RB1: variants seen among roughly 807,000 people sequenced by gnomAD.
RB1 encodes the protein RB transcriptional corepressor 1.
Under a neutral mutation model 135.4 loss-of-function variants are expected in RB1, and 18 were observed. The observed-to-expected ratio is 0.13, with a 90% confidence interval of 0.09 to 0.20. The LOEUF (loss-of-function observed/expected upper bound fraction) is 0.20. Among genes scored for constraint, RB1 ranks in the 10% least tolerant of loss-of-function variants. The probability of loss-of-function intolerance (pLI) is 1.00; values close to 1 mark genes in which losing one functional copy is unlikely to be tolerated. For synonymous variants in RB1, 365 were observed against 373.2 expected (o/e 0.98, Z 0.25); for missense variants, 868 against 1,110.0 (o/e 0.78, Z 3.10).
At chr13:48,317,326 T>C (rs774862925) in intron 2 of RB1, 2 of 392,774 alleles carry the variant, frequency 5.1e-6, no homozygotes, top group African/African-American at 2.0e-5. Context: ...GGACCCCTTG[T>C]CTTTCCCGCT....
intron 11 of RB1, among the ~76,000 whole-genome samples, chr13:48,372,704 G>T (rs993105876): frequency 1.3e-5 from 2 of 151,890 alleles, no homozygotes; most frequent in Non-Finnish European, 2.9e-5. Context: ...TACTGGTTTA[G>T]ACATGCTTAG....
Position 48,463,851 on chromosome 13 carries a change from T to C in RB1, c.2211+16T>C, listed in dbSNP as rs530415853. 2.7e-6 allele frequency: 4 copies of C among 1,505,656 alleles called. No individual in the cohort carries two copies. The highest frequency in any genetic ancestry group is 3.7e-6 in the Non-Finnish European group (4 of 1,081,764). 93.3% of individuals were successfully genotyped at this position (1,505,656 alleles called of 1,614,324 possible). On this transcript the variant is annotated intron_variant, in intron 21 of 26. Transcript: ENST00000267163. ...TGTTCAGGAGGTAGGTAATTTTCCA[T>C]AGTAAGTTTTTTTGATAAATCCATA...
intron 17 of RB1, among the ~76,000 whole-genome samples, chr13:48,416,104 G>A (rs1336424728): frequency 6.6e-6 from 1 of 151,948 alleles, no homozygotes; most frequent in Non-Finnish European, 1.5e-5. Flanking sequence ...GGATTTTTTG[G>A]GGGGAGCGAA....
rs181655355 is a variant in RB1, at chr13:48,371,884, A to G, written c.1128-1521A>G. ...AGTGGTAGACAGGCAAGTGAGCATT[A>G]CTGCCTGAGATCTACCTCCTGTCAG... On this transcript the variant is annotated intron_variant, in intron 11 of 26. Coordinates refer to ENST00000267163, the MANE Select transcript of RB1 (RefSeq NM_000321.3). Among the ~76,000 whole-genome samples the G allele has an allele frequency of 1.6e-3, 236 of 152,226 alleles. 2 individuals carry two copies. Among genetic ancestry groups the G allele is most frequent in the East Asian group, 5.8e-4 (3 of 5,180 alleles).
chr13:48,395,938 A>G (rs1287419477), intron 17 of RB1, among the ~76,000 whole-genome samples: 2 of 152,186 alleles, frequency 1.3e-5, no homozygotes, highest in African/African-American at 4.8e-5. Context: ...CGTCAGATTC[A>G]CCAAGGTTGA....
At position 48,456,255 on chromosome 13, in the gene RB1, A is replaced by T. The variant is rs1279340994; in HGVS notation, c.1866A>T (p.Val622=). ...SPKKKGSTTR[V]NSTANAETQA... ...AGAAAAAAGGTTCAACTACGCGTGTAAATTCTACTGCAAATGCAGAGACAC... is the reference window on the plus strand; with the variant it reads ...AGAAAAAAGGTTCAACTACGCGTGTTAATTCTACTGCAAATGCAGAGACAC... The change falls in exon 19 of 27, where the codon GTA becomes GTT. Residue 622 remains valine, a synonymous_variant. Coordinates refer to ENST00000267163, the MANE Select transcript of RB1 (RefSeq NM_000321.3). 1 of 1,614,204 alleles carries T rather than the reference A, an allele frequency of 6.2e-7. No individual in the cohort carries two copies. Among genetic ancestry groups the T allele is most frequent in the Admixed American group, 1.7e-5 (1 of 60,028 alleles).
chr13:48,316,105 C>A lies in RB1; in HGVS notation c.264+8699C>A, dbSNP rs1248358230. 2.0e-5 allele frequency among the ~76,000 whole-genome samples: 3 copies of A among 152,102 alleles called. No homozygotes were observed. The East Asian group carries it at 5.8e-4, about 29-fold the overall frequency. The stretch of plus-strand genomic sequence containing the variant: ...AGATTGGACATGAATCCACCCAGGC[C>A]CAGGGCTGAGCTGCAGAGCAGCCGC... On this transcript the variant is annotated intron_variant, in intron 2 of 26. Coordinates refer to ENST00000267163, the MANE Select transcript of RB1 (RefSeq NM_000321.3).
chr13:48,458,537 C>T (rs1397761752), intron 19 of RB1, among the ~76,000 whole-genome samples: 2 of 152,128 alleles, frequency 1.3e-5, no homozygotes, highest in Non-Finnish European at 2.9e-5. Flanking sequence ...TCCACATCAC[C>T]TGGAAATTGT....
intron 17 of RB1, chr13:48,412,042 T>C: frequency 6.2e-7 from 1 of 1,613,442 alleles, no homozygotes; most frequent in Non-Finnish European, 8.5e-7. Flanking sequence ...CTTTTGGTTC[T>C]TAGAGTCTTT....
chr13:48,364,377 A>C (rs1052295978), intron 8 of RB1, among the ~76,000 whole-genome samples: 1 of 152,208 alleles, frequency 6.6e-6, no homozygotes, highest in African/African-American at 2.4e-5. Context: ...TTTCAGGCGG[A>C]CGATTTTTGT....
rs1022258064 is a variant in RB1 at position 48,480,284 on chromosome 13, G to C, written c.*213G>C. 3.5e-6 allele frequency: 2 copies of C among 573,256 alleles called. No individual in the cohort carries two copies. 35.5% of individuals were successfully genotyped at this position (573,256 alleles called of 1,614,324 possible). On this transcript the variant is annotated 3_prime_UTR_variant, in exon 27 of 27. Coordinates refer to ENST00000267163, the MANE Select transcript of RB1 (RefSeq NM_000321.3). ...TTATTTATACAAGATTGAAAATCTT[G>C]TGTAAATCCTGCCATTTAAAAAGTT...
rs571519364 is a variant in RB1 at position 48,379,752 on chromosome 13, G to A, written c.1389+102G>A. ...CGAGGTGGGCAGATCAGGAGGTCAA[G>A]GCATCAAGATCATCCTGGCCAAAAT... On this transcript the variant is annotated intron_variant, in intron 14 of 26. Transcript: ENST00000267163. The A allele has an allele frequency of 5.6e-5, 79 of 1,418,488 alleles. No homozygotes were observed. In the African/African-American group the frequency reaches 1.1e-3, roughly 20 times the overall value. 87.9% of individuals were successfully genotyped at this position (1,418,488 alleles called of 1,614,324 possible).
chr13:48,418,164 C>T (rs866679025), intron 17 of RB1, among the ~76,000 whole-genome samples: 1 of 152,158 alleles, frequency 6.6e-6, no homozygotes, highest in South Asian at 2.1e-4. Flanking sequence ...GGAAGCCCAT[C>T]AGACTAATAG....
Position 48,319,305 on chromosome 13 carries a change from C to T in RB1, c.264+11899C>T. ...CGGGGTCAGGCGTCCTCTCTCCTCC[C>T]GGCGCTGGGCCCTCTGGGGCAGGTC... is the stretch of plus-strand genomic sequence containing the variant. On this transcript the variant is annotated intron_variant, in intron 2 of 26. Transcript: ENST00000267163. The surrounding 1 kb of genome is among the most constrained non-coding windows in gnomAD (Gnocchi z 5.0). 3.1e-6 allele frequency: 2 copies of T among 641,880 alleles called. No individual in the cohort carries two copies. Among genetic ancestry groups the T allele is most frequent in the Non-Finnish European group, 5.1e-6 (2 of 388,582 alleles). 39.8% of individuals were successfully genotyped at this position (641,880 alleles called of 1,614,324 possible).
chr13:48,471,416 C>CG (rs1282261631), intron 23 of RB1, among the ~76,000 whole-genome samples: 3 of 85,466 alleles, frequency 3.5e-5, no homozygotes, highest in African/African-American at 1.3e-4. Context: ...GTGGTGGGGT[C>CG]GGGGGAGGGG....
At chr13:48,415,967 G>A (rs1046288942) in intron 17 of RB1, among the ~76,000 whole-genome samples, 4 of 152,166 alleles carry the variant, frequency 2.6e-5, no homozygotes, top group African/African-American at 7.2e-5. Context: ...GGGAGGTAAT[G>A]AATCCATATA....
At chr13:48,352,404 G>A (rs1445189436) in intron 6 of RB1, among the ~76,000 whole-genome samples, 1 of 151,726 alleles carries the variant, frequency 6.6e-6, no homozygotes, top group East Asian at 1.9e-4. Flanking sequence ...AATGTCATTG[G>A]TAGTTTGATA....
intron 2 of RB1, among the ~76,000 whole-genome samples, chr13:48,325,248 G>T (rs939116761): frequency 4.6e-5 from 7 of 152,074 alleles, no homozygotes; most frequent in Non-Finnish European, 5.9e-5. Context: ...TTCTGTTCCT[G>T]CGTTAGTTTG....
intron 17 of RB1, among the ~76,000 whole-genome samples, chr13:48,384,255 T>C (rs1010593961): frequency 6.6e-6 from 1 of 152,108 alleles, no homozygotes; most frequent in African/African-American, 2.4e-5. Flanking sequence ...AGGACTTTTA[T>C]TTAGTCATAT....
Sources: allele counts gnomAD v4.1 joint callset (sites outside exome capture counted in the v4.1 genomes callset), GRCh38; gene constraint gnomAD v4.1.1; non-coding constraint Gnocchi (gnomAD v3.1); transcripts MANE v1.5; gene names NCBI Gene and HGNC (gene_info 2026-07-23, HGNC 2026-07-21).